EHF: variants seen among roughly 807,000 people sequenced by gnomAD.
EHF encodes the protein ETS homologous factor, also known as ESE3 transcription factor.
EHF carries 14 observed loss-of-function variants against 45.1 expected under a neutral mutation model. The observed-to-expected ratio is 0.31, with a 90% CI of 0.21 to 0.49. The LOEUF (loss-of-function observed/expected upper bound fraction) is 0.49. EHF is among the 20% of genes least tolerant of loss of function. The pLI, the probability that EHF is intolerant of heterozygous loss-of-function variation, is 0.99. For synonymous variants in EHF, 136 were observed against 131.8 expected (o/e 1.03, Z -0.22); for missense variants, 282 against 371.4 (o/e 0.76, Z 1.98).
Position 34,662,301 on chromosome 11 carries a change from TCTA to T in EHF, c.*3374_*3376del, listed in dbSNP as rs559986706. Among the ~76,000 whole-genome samples, 99 of 152,198 alleles carry T rather than the reference TCTA, an allele frequency of 6.5e-4. No individual in the cohort carries two copies. The highest frequency in any genetic ancestry group is 1.2e-3 in the Non-Finnish European group (82 of 67,998). On this transcript the variant is annotated 3_prime_UTR_variant, in exon 9 of 9. Transcript: ENST00000257831. ...CGGCACAACCTTCAAGGACATATTA[TCTA>T]CTATGAACATTTTACTGTGAGACTC...
In EHF at chr11:34,660,347, T is replaced by C. The variant is rs1382698348; in HGVS notation, c.*1416T>C. 1 of 152,180 alleles carries C rather than the reference T, an allele frequency of 6.6e-6. No homozygotes were observed. Among genetic ancestry groups the C allele is most frequent in the East Asian group, 1.9e-4 (1 of 5,200 alleles). The allele number at this position is 152,180 out of a possible 1,614,324, so 9.4% of individuals were successfully genotyped here. On this transcript the variant is annotated 3_prime_UTR_variant, in exon 9 of 9. Transcript: ENST00000257831. ...TCTTTGCAGGTATTAATTCTTATAATTTTTTGTCTTTTGGATTATCTGTTT... is the reference window on the plus strand; with the variant it reads ...TCTTTGCAGGTATTAATTCTTATAACTTTTTGTCTTTTGGATTATCTGTTT...
rs1485166273 is a variant in EHF, at chr11:34,638,256, G to C, written c.-3-4372G>C. Among the ~76,000 whole-genome samples, 5 of 152,308 alleles carry C rather than the reference G, an allele frequency of 3.3e-5. No homozygotes were observed. In the East Asian group the frequency reaches 7.7e-4, roughly 24 times the overall value. ...GGTATAGTTTTTCTTTGTGTGTGCA[G>C]TTTGTAATAGCTCAGGTAATAATTT... On this transcript the variant is annotated intron_variant, in intron 1 of 8. Transcript: ENST00000257831.
At chr11:34,630,676 G>A (rs1333143939) in intron 1 of EHF, among the ~76,000 whole-genome samples, 1 of 21,330 alleles carries the variant, frequency 4.7e-5, no homozygotes, top group Admixed American at 5.9e-4. Flanking sequence ...CTGCACAGTT[G>A]GTCTTATTTA....
At chr11:34,647,934 C>A (rs1470145430) in intron 3 of EHF, among the ~76,000 whole-genome samples, 1 of 152,200 alleles carries the variant, frequency 6.6e-6, no homozygotes, top group African/African-American at 2.4e-5. Flanking sequence ...TACCTCCACC[C>A]CCCAATTAAA....
At position 34,652,850 on chromosome 11, in the gene EHF, T is replaced by C. The variant is rs151000158; in HGVS notation, c.544+1045T>C. 2.6e-3 allele frequency among the ~76,000 whole-genome samples: 403 copies of C among 152,328 alleles called. 1 individual carries two copies. The highest frequency in any genetic ancestry group is 9.1e-3 in the African/African-American group (378 of 41,566). The stretch of plus-strand genomic sequence containing the variant: ...AGATGGGGCTGGGAGCCAATGTAAA[T>C]GCTTCTGGAATTGAGATTAAGAGCT... On this transcript the variant is annotated intron_variant, in intron 6 of 8. Coordinates refer to ENST00000257831, the MANE Select transcript of EHF (RefSeq NM_012153.6).
In EHF at chr11:34,662,655, G is replaced by C. The variant is rs1352784079; in HGVS notation, c.*3724G>C. 6.6e-6 allele frequency among the ~76,000 whole-genome samples: 1 copy of C among 152,074 alleles called. No individual in the cohort carries two copies. Among genetic ancestry groups the C allele is most frequent in the Non-Finnish European group, 1.5e-5 (1 of 68,004 alleles). On this transcript the variant is annotated 3_prime_UTR_variant, in exon 9 of 9. Transcript: ENST00000257831. ...TGCATGTTAGATTTTAGTTTTGCAA[G>C]CATGTTGTTTTTCAAATATATCAAG...
At chr11:34,635,510 G>C (rs1853309382) in intron 1 of EHF, among the ~76,000 whole-genome samples, 1 of 132,014 alleles carries the variant, frequency 7.6e-6, no homozygotes, top group African/African-American at 2.8e-5. Context: ...GGAGTACAAT[G>C]GTGCGATCTC....
At chr11:34,658,147 A>AGTTGCTCTCT (rs1054556655) in intron 7 of EHF, among the ~76,000 whole-genome samples, 2 of 152,102 alleles carry the variant, frequency 1.3e-5, no homozygotes, top group African/African-American at 2.4e-5. Flanking sequence ...AGTGGTTGAG[A>AGTTGCTCTCT]GTTGCTCTCT....
intron 1 of EHF, among the ~76,000 whole-genome samples, chr11:34,640,072 T>C (rs1356886067): frequency 2.6e-5 from 4 of 152,152 alleles, no homozygotes. Flanking sequence ...ATGACCTCAT[T>C]TGATTCTTAC....
intron 1 of EHF, among the ~76,000 whole-genome samples, chr11:34,636,737 A>G (rs1187576697): frequency 1.3e-5 from 2 of 152,090 alleles, no homozygotes; most frequent in African/African-American, 4.8e-5. Flanking sequence ...TTCCCTCAAG[A>G]CATGTGGCAC....
chr11:34,621,547 C>T (rs984127193), intron 1 of EHF, among the ~76,000 whole-genome samples: 3 of 152,198 alleles, frequency 2.0e-5, no homozygotes, highest in African/African-American at 7.2e-5. Flanking sequence ...TCTTCTGGAA[C>T]AAATAGGCAG....
chr11:34,657,101 T>A, intron 7 of EHF, 131 bp downstream of exon 7: 1 of 1,111,664 alleles, frequency 9.0e-7, no homozygotes, highest in Non-Finnish European at 1.3e-6. Context: ...CAGGGTGGAG[T>A]GAGAAAATAG....
chr11:34,644,562 C>T (rs1854327569), intron 2 of EHF, among the ~76,000 whole-genome samples: 1 of 152,216 alleles, frequency 6.6e-6, no homozygotes, highest in Non-Finnish European at 1.5e-5. Context: ...GTGGGTATTA[C>T]TAACGGCAGT....
chr11:34,649,366 A>G (rs1239820513), intron 4 of EHF, among the ~76,000 whole-genome samples: 2 of 152,174 alleles, frequency 1.3e-5, no homozygotes, highest in African/African-American at 2.4e-5. Flanking sequence ...CAGCCAAGGA[A>G]AAGCAGAATA....
rs192919894 is a variant in EHF, at chr11:34,646,881, C to G, written c.343+197C>G. On this transcript the variant is annotated intron_variant, in intron 3 of 8. Transcript: ENST00000257831. ...CATAGGGTACCTGGTGTGCCTAATC[C>G]CTTATAAATGCCAGTGTAATTTAAT... The G allele has an allele frequency of 2.7e-5, 17 of 636,824 alleles. 1 individual carries two copies. In the East Asian group the frequency reaches 4.6e-4, roughly 17 times the overall value. 39.4% of individuals were successfully genotyped at this position (636,824 alleles called of 1,614,324 possible).
Position 34,660,909 on chromosome 11 carries a change from G to C in EHF, c.*1978G>C, listed in dbSNP as rs1246123521. Reference sequence around the variant, plus strand: ...TAAAAATTTGTCCTAATTACAATGAGAACCATTCTAGGTAGTGATCTTGGA... The same window carrying C: ...TAAAAATTTGTCCTAATTACAATGACAACCATTCTAGGTAGTGATCTTGGA... On this transcript the variant is annotated 3_prime_UTR_variant, in exon 9 of 9. Transcript: ENST00000257831. 1 of 152,144 alleles carries C rather than the reference G, an allele frequency of 6.6e-6. No homozygotes were observed. Among genetic ancestry groups the C allele is most frequent in the Non-Finnish European group, 1.5e-5 (1 of 68,016 alleles). 9.4% of individuals were successfully genotyped at this position (152,144 alleles called of 1,614,324 possible). A position where few individuals can be genotyped will look rare whatever the true frequency, so the allele number is the denominator to read the frequency against.
chr11:34,658,627 G>C lies in EHF; in HGVS notation c.702G>C (p.Glu234Asp). The C allele has an allele frequency of 6.2e-7, 1 of 1,613,750 alleles. No homozygotes were observed. The highest frequency in any genetic ancestry group is 8.5e-7 in the Non-Finnish European group (1 of 1,179,784). ...TAATAAAATGGGAAGACCGATCTGA[G>C]GGCGTCTTCAGGTTCTTGAAATCAG... ...PGLIKWEDRS[E>D]GVFRFLKSEA... Residue 234 changes from glutamate to aspartate, a missense_variant, in exon 8 of 9, where the codon GAG (glutamate) becomes GAC (aspartate). By Grantham distance (45) the Glu-to-Asp change is conservative. Transcript: ENST00000257831.
rs1400541983 is a variant in EHF, at chr11:34,659,690, C to G, written c.*759C>G. The G allele has an allele frequency of 6.6e-6, 1 of 152,092 alleles. No homozygotes were observed. Among genetic ancestry groups the G allele is most frequent in the Admixed American group, 6.6e-5 (1 of 15,252 alleles). 9.4% of individuals were successfully genotyped at this position (152,092 alleles called of 1,614,324 possible). A position where few individuals can be genotyped will look rare whatever the true frequency, so the allele number is the denominator to read the frequency against. ...CACTTCTAGCTATTTAAGAGAGAAC[C>G]CAGCTTGGTTCTTTTTTGCTCCAAG... On this transcript the variant is annotated 3_prime_UTR_variant, in exon 9 of 9. Transcript: ENST00000257831.
intron 1 of EHF, among the ~76,000 whole-genome samples, chr11:34,637,000 T>G (rs930853394): frequency 2.5e-4 from 36 of 144,810 alleles, no homozygotes; most frequent in Non-Finnish European, 3.3e-4. Context: ...TTGCACTCCA[T>G]TCTGGGCAAC....
Sources: allele counts gnomAD v4.1 joint callset (sites outside exome capture counted in the v4.1 genomes callset), GRCh38; gene constraint gnomAD v4.1.1; transcripts MANE v1.5; gene names NCBI Gene and HGNC (gene_info 2026-07-23, HGNC 2026-07-21).